Variants in DNAJC12 observed in about 807,000 individuals in gnomAD.
The protein encoded by DNAJC12 is DnaJ heat shock protein family (Hsp40) member C12.
A neutral mutation model predicts 28.5 loss-of-function variants in DNAJC12; 25 were observed. The ratio of observed to expected loss-of-function variants is 0.88; its 90% CI spans 0.64 to 1.22. DNAJC12 has a LOEUF of 1.22. Ranked by LOEUF, DNAJC12 falls within the 50% of genes most tolerant of loss-of-function variation. The pLI is 0.00. For missense variants in DNAJC12, 222 were observed against 231.7 expected (o/e 0.96, Z 0.27); for synonymous variants, 77 against 80.6 (o/e 0.95, Z 0.24).
chr10:67,804,749 G>A (rs1182931804), intron 4 of DNAJC12, among the ~76,000 whole-genome samples: 1 of 152,052 alleles, frequency 6.6e-6, no homozygotes, highest in Non-Finnish European at 1.5e-5. Context: ...AGGCATTATT[G>A]GGCCGGGCAT....
intron 4 of DNAJC12, among the ~76,000 whole-genome samples, chr10:67,801,825 T>G (rs142666001): frequency 1.1e-5 from 1 of 89,698 alleles, no homozygotes; most frequent in African/African-American, 4.1e-5. Flanking sequence ...TCCCATCCCC[T>G]CCACTTCATT....
chr10:67,829,806 C>T (rs574512268), intron 1 of DNAJC12, among the ~76,000 whole-genome samples: 1 of 152,102 alleles, frequency 6.6e-6, no homozygotes, highest in African/African-American at 2.4e-5. Flanking sequence ...GGTTAGAATA[C>T]TTTACTCATT....
At chr10:67,798,524 T>C (rs1841703432) in intron 4 of DNAJC12, among the ~76,000 whole-genome samples, 1 of 151,260 alleles carries the variant, frequency 6.6e-6, no homozygotes. Context: ...TACAAAAAAA[T>C]ACAAAAAATT....
intron 2 of DNAJC12, chr10:67,816,192 A>G: frequency 2.5e-6 from 1 of 397,800 alleles, no homozygotes; most frequent in Non-Finnish European, 4.4e-6. Flanking sequence ...GTATTACAAC[A>G]GTCACATTTT....
At position 67,811,527 on chromosome 10, in the gene DNAJC12, C is replaced by CT. The variant is rs779110011; in HGVS notation, c.293dup (p.Thr99AspfsTer10). 1 of 1,614,188 alleles carries CT rather than the reference C, an allele frequency of 6.2e-7. No homozygotes were observed. The highest frequency in any genetic ancestry group is 2.2e-5 in the East Asian group (1 of 44,884). ...TCGCACCCAGCGAGAAACCCACCGTCTTCACTGAGTCATTCAAAGCTTCCC... is the reference window on the plus strand; with the variant it reads ...TCGCACCCAGCGAGAAACCCACCGTCTTTCACTGAGTCATTCAAAGCTTCCC... On this transcript the variant is annotated frameshift_variant, in exon 3 of 5. Coordinates refer to ENST00000225171, the MANE Select transcript of DNAJC12 (RefSeq NM_021800.3). LOFTEE classifies it high-confidence loss of function.
chr10:67,828,269 GTATGTGTGTGTATATA>G (rs1385643591), intron 1 of DNAJC12, among the ~76,000 whole-genome samples: 2 of 152,136 alleles, frequency 1.3e-5, no homozygotes, highest in African/African-American at 4.8e-5. Context: ...ATATATGTTT[GTATGTGTGTGTATATA>G]TATGTGTGTG....
At chr10:67,825,502 C>T (rs1472326569) in intron 1 of DNAJC12, 1 of 152,228 alleles carries the variant, frequency 6.6e-6, no homozygotes, top group Non-Finnish European at 1.5e-5. Context: ...ACCCCGTTGG[C>T]ACAGCACTAC....
chr10:67,803,186 A>C (rs2131789532), intron 4 of DNAJC12, among the ~76,000 whole-genome samples: 1 of 152,246 alleles, frequency 6.6e-6, no homozygotes, highest in Non-Finnish European at 1.5e-5. Flanking sequence ...TGAGGTAGAC[A>C]CTAATATTTT....
At chr10:67,808,021 C>A (rs193258657) in intron 3 of DNAJC12, among the ~76,000 whole-genome samples, 7 of 152,298 alleles carry the variant, frequency 4.6e-5, no homozygotes, top group African/African-American at 1.7e-4. Flanking sequence ...GGACTAACAT[C>A]AGAGTGATGC....
At chr10:67,828,704 G>A (rs1215275229) in intron 1 of DNAJC12, among the ~76,000 whole-genome samples, 1 of 150,776 alleles carries the variant, frequency 6.6e-6, no homozygotes, top group Non-Finnish European at 1.5e-5. Context: ...ACATATATAT[G>A]AAGAGCCTTT....
chr10:67,815,966 A>G, intron 2 of DNAJC12: 1 of 397,702 alleles, frequency 2.5e-6, no homozygotes, highest in Non-Finnish European at 4.4e-6. Flanking sequence ...ACATTTAACA[A>G]AAGTGAGTTT....
At chr10:67,836,231 G>A (rs1329526887) in intron 1 of DNAJC12, among the ~76,000 whole-genome samples, 1 of 152,006 alleles carries the variant, frequency 6.6e-6, no homozygotes, top group Non-Finnish European at 1.5e-5. Context: ...ACAGCATTAG[G>A]ACAAATACCT....
chr10:67,810,108 T>A (rs1379154376), intron 3 of DNAJC12, among the ~76,000 whole-genome samples: 1 of 152,004 alleles, frequency 6.6e-6, no homozygotes, highest in Admixed American at 6.6e-5. Flanking sequence ...AAACTTACAA[T>A]CATGGCGGAA....
intron 4 of DNAJC12, among the ~76,000 whole-genome samples, chr10:67,797,774 C>T (rs1384893324): frequency 1.3e-5 from 2 of 152,322 alleles, no homozygotes; most frequent in Admixed American, 1.3e-4. Context: ...GGCGCAGTGG[C>T]TCACGCCTGT....
chr10:67,819,112 T>C (rs901255909), intron 2 of DNAJC12, among the ~76,000 whole-genome samples: 17 of 152,102 alleles, frequency 1.1e-4, no homozygotes, highest in African/African-American at 3.9e-4. Context: ...GGCGGGCGGA[T>C]CACGAGGTCA....
At chr10:67,814,459 G>A (rs1306321195) in intron 2 of DNAJC12, among the ~76,000 whole-genome samples, 1 of 151,186 alleles carries the variant, frequency 6.6e-6, no homozygotes, top group Non-Finnish European at 1.5e-5. Context: ...TTAGGCAAGA[G>A]CTCCTTAGAT....
chr10:67,801,075 C>T (rs1450242175), intron 4 of DNAJC12, among the ~76,000 whole-genome samples: 3 of 152,136 alleles, frequency 2.0e-5, no homozygotes, highest in Non-Finnish European at 4.4e-5. Context: ...GAGATTGTCT[C>T]GCACAGTGGT....
intron 1 of DNAJC12, among the ~76,000 whole-genome samples, chr10:67,831,480 A>C (rs1842092964): frequency 6.6e-6 from 1 of 152,206 alleles, no homozygotes; most frequent in Non-Finnish European, 1.5e-5. Context: ...CATGGAGACT[A>C]ATCCAATTCC....
At chr10:67,833,149 G>A (rs1029927296) in intron 1 of DNAJC12, among the ~76,000 whole-genome samples, 11 of 152,158 alleles carry the variant, frequency 7.2e-5, no homozygotes, top group African/African-American at 1.9e-4. Context: ...AACAGAAAAA[G>A]GGCATTATTA....
Sources: allele counts gnomAD v4.1 joint callset (sites outside exome capture counted in the v4.1 genomes callset), GRCh38; gene constraint gnomAD v4.1.1; transcripts MANE v1.5; gene names NCBI Gene and HGNC (gene_info 2026-07-23, HGNC 2026-07-21).